The following CCDC57 variants were observed in gnomAD, a reference collection of about 807,000 sequenced individuals.
CCDC57 encodes coiled-coil domain containing 57, also known as coiled-coil domain-containing protein 57.
A neutral mutation model predicts 118.9 loss-of-function variants in CCDC57; 118 were observed. The ratio of observed to expected loss-of-function variants is 0.99; its 90% CI spans 0.86 to 1.16. The LOEUF (loss-of-function observed/expected upper bound fraction) is 1.16. Ranked by LOEUF, CCDC57 falls within the 50% of genes most tolerant of loss-of-function variation. CCDC57 has a pLI of 0.00. For missense variants in CCDC57, 1,300 were observed against 1,320.7 expected, an observed-to-expected ratio of 0.98 and a Z score of 0.24; for synonymous variants, 527 against 532.9, an observed-to-expected ratio of 0.99 and a Z score of 0.15.
chr17:82,172,560 G>T lies in CCDC57; in HGVS notation c.1729+78C>A, dbSNP rs2044879748. 17 of 1,247,576 alleles carry T rather than the reference G, an allele frequency of 1.4e-5. No homozygotes were observed. The South Asian group carries it at 2.1e-4, about 15-fold the overall frequency. The allele number at this position is 1,247,576 out of a possible 1,614,324, so 77.3% of individuals were successfully genotyped here. ...ATGAAGCCTCCTTGAAGCCAGTCAA[G>T]ACCCATGCTCCCGTCTGTCCTCCTC... On this transcript the variant is annotated intron_variant, in intron 12 of 19. Transcript: ENST00000665763. This position sits in a 1 kb window ranked among gnomAD's most constrained non-coding sequence, Gnocchi z 5.2.
intron 13 of CCDC57, among the ~76,000 whole-genome samples, chr17:82,169,485 C>A (rs1236717862): frequency 1.3e-5 from 2 of 152,188 alleles, no homozygotes; most frequent in African/African-American, 4.8e-5. Flanking sequence ...CTGGCCCCTC[C>A]CTTTCTTTTC....
chr17:82,135,840 C>T (rs2039080713), intron 16 of CCDC57, among the ~76,000 whole-genome samples: 3 of 151,640 alleles, frequency 2.0e-5, no homozygotes, highest in Admixed American at 2.0e-4. Flanking sequence ...GGGGGGGATC[C>T]TTGATGTCAG....
rs377649441 is a variant in CCDC57, at chr17:82,103,596, C to T, written c.2900-1730G>A. On this transcript the variant is annotated intron_variant, in intron 19 of 19. Coordinates refer to ENST00000665763, the Ensembl canonical transcript of CCDC57. Reference sequence around the variant, plus strand: ...CCACTGTGACCCTGAGGCATCTCCTCAAACCCAGAGGCCTTGGTTGTCCCT... The same window carrying T: ...CCACTGTGACCCTGAGGCATCTCCTTAAACCCAGAGGCCTTGGTTGTCCCT... 1.2e-3 allele frequency among the ~76,000 whole-genome samples: 184 copies of T among 152,374 alleles called. 2 individuals are homozygous for T. The highest frequency in any genetic ancestry group is 4.1e-3 in the African/African-American group (169 of 41,586).
chr17:82,109,159 G>A (rs2035072293), intron 19 of CCDC57, among the ~76,000 whole-genome samples: 1 of 152,246 alleles, frequency 6.6e-6, no homozygotes, highest in Non-Finnish European at 1.5e-5. Flanking sequence ...CTGAAGGAAG[G>A]AGGAGAAAGA....
At chr17:82,151,019 A>G (rs76359206) in intron 16 of CCDC57, among the ~76,000 whole-genome samples, 13 of 42,308 alleles carry the variant, frequency 3.1e-4, no homozygotes, top group Admixed American at 6.8e-4. Flanking sequence ...AGAACCTGGC[A>G]CACACCCAGA....
At chr17:82,196,155 A>C (rs1005802954) in intron 4 of CCDC57, among the ~76,000 whole-genome samples, 2 of 152,206 alleles carry the variant, frequency 1.3e-5, no homozygotes, top group Non-Finnish European at 1.5e-5. Context: ...GATGCTGCCA[A>C]GAGCCCCCCA....
At chr17:82,166,904 A>C (rs1302887016) in intron 13 of CCDC57, among the ~76,000 whole-genome samples, 1 of 152,120 alleles carries the variant, frequency 6.6e-6, no homozygotes, top group Non-Finnish European at 1.5e-5. Flanking sequence ...CAACAGAGCA[A>C]GGCCCTGTCT....
At position 82,128,496 on chromosome 17, in the gene CCDC57, C is replaced by T. The variant is rs187462176; in HGVS notation, c.2679G>A (p.Pro893=). ...GCTCGGGCGCCGCCACTCTCACCTT[C>T]GGGCCTTGCAGGGCGTCAAGTCTGC... The change falls in exon 18 of 20, where the codon CCG becomes CCA. Residue 893 remains proline (P), a synonymous_variant. Coordinates refer to ENST00000665763, the Ensembl canonical transcript of CCDC57. 281 of 1,554,940 alleles carry T rather than the reference C, an allele frequency of 1.8e-4. No homozygotes were observed. In the African/African-American group the frequency reaches 2.8e-3, roughly 15 times the overall value.
chr17:82,124,557 G>A (rs567758204), intron 19 of CCDC57, among the ~76,000 whole-genome samples: 27 of 152,244 alleles, frequency 1.8e-4, no homozygotes, highest in Admixed American at 5.9e-4. Flanking sequence ...CTTTGAGAGC[G>A]TAAGGTGGGA....
At chr17:82,127,285 G>A (rs1482148265) in intron 19 of CCDC57, 3 of 985,252 alleles carry the variant, frequency 3.0e-6, no homozygotes, top group South Asian at 4.7e-5. Flanking sequence ...CGCTGGGGTC[G>A]ACCTGGCTCT....
At chr17:82,163,059 C>T (rs1278067122) in intron 14 of CCDC57, 141 bp downstream of exon 13, 7 of 1,046,210 alleles carry the variant, frequency 6.7e-6, no homozygotes, top group South Asian at 5.9e-5. Flanking sequence ...ACAGCCCCTT[C>T]CTCAGAAAAA....
chr17:82,207,280 C>T (rs1165041307), intron 2 of CCDC57, among the ~76,000 whole-genome samples: 1 of 151,776 alleles, frequency 6.6e-6, no homozygotes, highest in African/African-American at 2.4e-5. Context: ...CTGCAGTGAG[C>T]TGTGATTGCA....
At chr17:82,190,038 A>G (rs774739550) in intron 7 of CCDC57, among the ~76,000 whole-genome samples, 103 of 151,934 alleles carry the variant, frequency 6.8e-4, no homozygotes, top group Non-Finnish European at 9.6e-4. Flanking sequence ...ATGATGAGAC[A>G]CTAGTCATCT....
intron 16 of CCDC57, among the ~76,000 whole-genome samples, chr17:82,136,993 T>G (rs577391042): frequency 6.6e-6 from 1 of 151,132 alleles, no homozygotes; most frequent in Non-Finnish European, 1.5e-5. Flanking sequence ...TTTTGATGGG[T>G]TTGTTTCCTT....
At position 82,118,175 on chromosome 17, in the gene CCDC57, T is replaced by C. The variant is rs8066970; in HGVS notation, c.2899+9517A>G. On this transcript the variant is annotated intron_variant, in intron 19 of 19. Transcript: ENST00000665763. This position sits in a 1 kb window ranked among gnomAD's most constrained non-coding sequence, Gnocchi z 4.7. ...CAAGAAAAGAGGATATACACATATA[T>C]TTAAAAAACCACTTCTGTTCTGAGG... Among the ~76,000 whole-genome samples the C allele has an allele frequency of 0.52, 78,810 of 151,958 alleles. 21,190 individuals are homozygous for C. Among genetic ancestry groups the C allele is most frequent in the Non-Finnish European group, 0.57 (38,862 of 67,956 alleles).
rs35213711 is a variant in CCDC57 at position 82,115,792 on chromosome 17, CTTTTTTTTTTT to C, written c.2899+11889_2899+11899del. Among the ~76,000 whole-genome samples the C allele has an allele frequency of 5.3e-4, 35 of 65,666 alleles. 1 individual carries two copies. Among genetic ancestry groups the C allele is most frequent in the East Asian group, 3.2e-4 (1 of 3,128 alleles). The allele number at this position is 65,666 out of a possible 152,430, so 43.1% of individuals were successfully genotyped here. A position where few individuals can be genotyped will look rare whatever the true frequency, so the allele number is the denominator to read the frequency against. The stretch of plus-strand genomic sequence containing the variant: ...CAAAAATACAAAAAATTTATGCAAC[CTTTTTTTTTTT>C]TTTTTTTTTTTTGAGATGGAGTCTC... On this transcript the variant is annotated intron_variant, in intron 19 of 19. Transcript: ENST00000665763.
Position 82,192,727 on chromosome 17 carries a change from C to G in CCDC57, c.851+1029G>C, listed in dbSNP as rs2047827362. Among the ~76,000 whole-genome samples, 1 of 152,210 alleles carries G rather than the reference C, an allele frequency of 6.6e-6. No homozygotes were observed. The highest frequency in any genetic ancestry group is 6.5e-5 in the Admixed American group (1 of 15,286). On this transcript the variant is annotated intron_variant, in intron 7 of 19. Coordinates refer to ENST00000665763, the Ensembl canonical transcript of CCDC57. This position sits in a 1 kb window ranked among gnomAD's most constrained non-coding sequence, Gnocchi z 4.0. ...GGGCACAACCCTCTCTCGCTGCCAC[C>G]AGTAGGGTCTGCAGAGCAGGCTGGA...
intron 2 of CCDC57, among the ~76,000 whole-genome samples, chr17:82,206,637 C>A (rs2049685518): frequency 6.6e-6 from 1 of 152,094 alleles, no homozygotes; most frequent in Admixed American, 6.5e-5. Context: ...TCTGTAATAC[C>A]CTTTATAATA....
At chr17:82,188,569 T>C in intron 7 of CCDC57, 150 bp from the exon 7 acceptor site, 1 of 793,730 alleles carries the variant, frequency 1.3e-6, no homozygotes, top group Non-Finnish European at 1.9e-6. Context: ...GGCCACCTGT[T>C]CCTCATTCCT....
Sources: gnomAD v4.1 joint callset for allele counts (sites outside exome capture counted in the v4.1 genomes callset) on GRCh38, gnomAD v4.1.1 for gene constraint, Gnocchi (gnomAD v3.1) non-coding constraint, MANE v1.5 for transcripts, NCBI Gene and HGNC (gene_info 2026-07-23, HGNC 2026-07-21) for gene names.